The following CAMKK1 variants were observed in gnomAD, a reference collection of about 807,000 sequenced individuals.
CAMKK1 encodes the protein calcium/calmodulin dependent protein kinase kinase 1.
A neutral mutation model predicts 63.5 loss-of-function variants in CAMKK1; 20 were observed. That is an observed-to-expected ratio of 0.32 (90% CI 0.22 to 0.46). The LOEUF is 0.46. Ranked by LOEUF, CAMKK1 falls within the 20% of genes least tolerant of loss-of-function variation. CAMKK1 has a pLI of 1.00. For synonymous variants in CAMKK1, 253 were observed against 269.0 expected, an observed-to-expected ratio of 0.94 and a Z score of 0.58; for missense variants, 588 against 658.1, an observed-to-expected ratio of 0.89 and a Z score of 1.17.
Position 3,882,561 on chromosome 17 carries a change from G to T in CAMKK1, c.652C>A (p.Leu218Met). The change falls in exon 7 of 16, where the codon CTG becomes ATG. Residue 218 changes from leucine to methionine, a missense_variant. Leu to Met is a conservative substitution (Grantham distance 15, BLOSUM62 2). Coordinates refer to ENST00000348335, the MANE Select transcript of CAMKK1 (RefSeq NM_032294.3). This position sits in a 1 kb window ranked among gnomAD's most constrained non-coding sequence, Gnocchi z 4.3. ...HVNVVKLIEV[L>M]DDPAEDNLYL... The stretch of plus-strand genomic sequence containing the variant: ...AGGTTGTCCTCAGCTGGGTCATCCA[G>T]GACCTGGTCAGAGGGAGCAGACATG... 1 of 1,593,234 alleles carries T rather than the reference G, an allele frequency of 6.3e-7. No individual in the cohort carries two copies. The highest frequency in any genetic ancestry group is 1.1e-5 in the South Asian group (1 of 88,188).
intron 12 of CAMKK1, among the ~76,000 whole-genome samples, chr17:3,872,091 T>C (rs11078470): frequency 0.067 from 10,244 of 152,226 alleles, 712 homozygotes; most frequent in African/African-American, 0.18. Flanking sequence ...TCGGTCACAA[T>C]GGGAAGAGTG....
intron 12 of CAMKK1, among the ~76,000 whole-genome samples, chr17:3,870,936 G>A (rs1450657538): frequency 1.3e-5 from 2 of 152,174 alleles, no homozygotes; most frequent in South Asian, 2.1e-4. Context: ...GCTGGTGCTC[G>A]GGAAAGGGAG....
At chr17:3,870,600 C>T (rs2054802740) in intron 12 of CAMKK1, among the ~76,000 whole-genome samples, 2 of 152,128 alleles carry the variant, frequency 1.3e-5, no homozygotes, top group African/African-American at 4.8e-5. Context: ...CTCCTGATCT[C>T]ATGATCCGCC....
At chr17:3,870,979 C>G (rs2054822259) in intron 12 of CAMKK1, among the ~76,000 whole-genome samples, 1 of 152,094 alleles carries the variant, frequency 6.6e-6, no homozygotes, top group Admixed American at 6.5e-5. Flanking sequence ...GTGGCAGAAC[C>G]CGGAGACGTG....
Position 3,883,151 on chromosome 17 carries a change from T to A in CAMKK1, c.539A>T (p.Gln180Leu). The A allele has an allele frequency of 6.2e-7, 1 of 1,612,056 alleles. No homozygotes were observed. Residue 180 changes from glutamine (Q) to leucine (L), a missense_variant, in exon 6 of 16, where the codon CAG becomes CTG. This residue lies in a region of CAMKK1 where 357 missense variants were observed against 407.4 expected (regional missense o/e 0.88). Coordinates refer to ENST00000348335, the MANE Select transcript of CAMKK1 (RefSeq NM_032294.3). This position sits in a 1 kb window ranked among gnomAD's most constrained non-coding sequence, Gnocchi z 4.7. ...CTTGGCTGGTCCTCCCTGGGCAGCCTGGGACCCTCTCGGGGGAGGGCGACC... is the reference window on the plus strand; with the variant it reads ...CTTGGCTGGTCCTCCCTGGGCAGCCAGGGACCCTCTCGGGGGAGGGCGACC... ...FPRRPPPRGS[Q>L]AAQGGPAKQL...
chr17:3,869,629 G>A lies in CAMKK1; in HGVS notation c.1213-14C>T, dbSNP rs2054750443. The A allele has an allele frequency of 6.2e-7, 1 of 1,613,994 alleles. No individual in the cohort carries two copies. Among genetic ancestry groups the A allele is most frequent in the Admixed American group, 1.7e-5 (1 of 60,014 alleles). On this transcript the variant is annotated splice_polypyrimidine_tract_variant and intron_variant, in intron 13 of 15. Coordinates refer to ENST00000348335, the MANE Select transcript of CAMKK1 (RefSeq NM_032294.3). ...CCAAGGGTGCAACTGTCGGGGCCGG[G>A]AGGGCAGGGAGAGGGGGAGAGGTCA... is the stretch of plus-strand genomic sequence containing the variant.
chr17:3,869,938 C>G (rs774352884), intron 12 of CAMKK1, 50 bp from the exon 13 acceptor site: 2 of 1,437,486 alleles, frequency 1.4e-6, no homozygotes, highest in South Asian at 2.3e-5. Flanking sequence ...GATGAGGACC[C>G]CTTCCTGTCC....
At chr17:3,871,326 GTTTTTTGTTTTTTT>G (rs2054838255) in intron 12 of CAMKK1, among the ~76,000 whole-genome samples, 143 of 69,052 alleles carry the variant, frequency 2.1e-3, no homozygotes, top group South Asian at 5.0e-3. Context: ...TTTGTTTGTT[GTTTTTTGTTTTTTT>G]TTTTTTGTTT....
intron 9 of CAMKK1, among the ~76,000 whole-genome samples, chr17:3,878,521 C>T (rs975727785): frequency 6.6e-6 from 1 of 152,174 alleles, no homozygotes; most frequent in African/African-American, 2.4e-5. Flanking sequence ...CTGACCGTAC[C>T]GGGGTAAAAT....
chr17:3,880,448 T>C lies in CAMKK1; in HGVS notation c.708-14A>G. The stretch of plus-strand genomic sequence containing the variant: ...TCCATGACGGGCCTATGGAGAAGGA[T>C]GCGGGGAGGGGCATTCAGCTGAAAT... On this transcript the variant is annotated splice_polypyrimidine_tract_variant and intron_variant, in intron 8 of 15. Coordinates refer to ENST00000348335, the MANE Select transcript of CAMKK1 (RefSeq NM_032294.3). 6.2e-7 allele frequency: 1 copy of C among 1,609,014 alleles called. No homozygotes were observed. The highest frequency in any genetic ancestry group is 1.3e-5 in the African/African-American group (1 of 74,770).
intron 14 of CAMKK1, among the ~76,000 whole-genome samples, chr17:3,868,933 G>A (rs1184279758): frequency 2.0e-5 from 3 of 150,908 alleles, no homozygotes; most frequent in Non-Finnish European, 2.9e-5. Context: ...GATTCCAGGC[G>A]TGAGCCACCG....
chr17:3,882,543 C>T lies in CAMKK1; in HGVS notation c.670G>A (p.Asp224Asn). 1 of 1,594,990 alleles carries T rather than the reference C, an allele frequency of 6.3e-7. No homozygotes were observed. The highest frequency in any genetic ancestry group is 8.5e-7 in the Non-Finnish European group (1 of 1,170,296). ...GGTCACTCACCCAAATAGAGGTTGT[C>T]CTCAGCTGGGTCATCCAGGACCTGG... ...LIEVLDDPAE[D>N]NLYLVFDLLR... The change falls in exon 7 of 16, where the codon GAC becomes AAC. Residue 224 changes from aspartate to asparagine, a missense_variant. Asp to Asn is a conservative substitution (Grantham distance 23). This residue lies in a region of CAMKK1 where 357 missense variants were observed against 407.4 expected (regional missense o/e 0.88). Coordinates refer to ENST00000348335, the MANE Select transcript of CAMKK1 (RefSeq NM_032294.3). This position sits in a 1 kb window ranked among gnomAD's most constrained non-coding sequence, Gnocchi z 4.3.
intron 12 of CAMKK1, among the ~76,000 whole-genome samples, chr17:3,871,611 C>T (rs1237032424): frequency 2.0e-5 from 3 of 149,430 alleles, no homozygotes; most frequent in Non-Finnish European, 4.4e-5. Context: ...CCTCCTTGGC[C>T]TCCCAAAGTG....
intron 13 of CAMKK1, 39 bp downstream of exon 13, chr17:3,869,762 C>G (rs763133498): frequency 1.5e-5 from 24 of 1,607,340 alleles, no homozygotes; most frequent in Non-Finnish European, 1.4e-5. Context: ...CTCCTGTTTT[C>G]TGTGTCCCAG....
Position 3,890,275 on chromosome 17 carries a change from C to T in CAMKK1, c.-44+2664G>A, listed in dbSNP as rs2055844105. Among the ~76,000 whole-genome samples the T allele has an allele frequency of 6.6e-6, 1 of 152,182 alleles. No individual in the cohort carries two copies. Among genetic ancestry groups the T allele is most frequent in the African/African-American group, 2.4e-5 (1 of 41,434 alleles). ...GCCAAGTCATGCTTGACGACTCCTG[C>T]TGTGAGGACGCCCGCTCCCACCATC... On this transcript the variant is annotated intron_variant, in intron 1 of 15. Coordinates refer to ENST00000348335, the MANE Select transcript of CAMKK1 (RefSeq NM_032294.3). The surrounding 1 kb of genome is among the most constrained non-coding windows in gnomAD (Gnocchi z 6.5).
At chr17:3,886,071 C>T (rs879802912) in intron 1 of CAMKK1, among the ~76,000 whole-genome samples, 3 of 152,248 alleles carry the variant, frequency 2.0e-5, no homozygotes, top group Non-Finnish European at 4.4e-5. Flanking sequence ...GGGCAGAGCC[C>T]AGGGTCAGCT....
rs538046718 is a variant in CAMKK1 at position 3,871,578 on chromosome 17, G to C, written c.1124+976C>G. 6.8e-4 allele frequency among the ~76,000 whole-genome samples: 100 copies of C among 146,982 alleles called. No individual in the cohort carries two copies. The Middle Eastern group carries it at 0.023, about 34-fold the overall frequency. The stretch of plus-strand genomic sequence containing the variant: ...TCACCGTGTTAGCCAGGATGGTCTC[G>C]ATCTCCTGACCTCGTGATCCGCCCT... On this transcript the variant is annotated intron_variant, in intron 12 of 15. Coordinates refer to ENST00000348335, the MANE Select transcript of CAMKK1 (RefSeq NM_032294.3).
intron 1 of CAMKK1, among the ~76,000 whole-genome samples, chr17:3,891,781 G>C (rs1426390723): frequency 6.6e-6 from 1 of 152,164 alleles, no homozygotes; most frequent in Non-Finnish European, 1.5e-5. Flanking sequence ...GTGCATATAG[G>C]AGAGTCATTT....
At chr17:3,866,085 G>A (rs2567874) in intron 14 of CAMKK1, 74 bp from the exon 15 acceptor site, 525,717 of 1,552,436 alleles carry the variant, frequency 0.34, 89,460 homozygotes, top group East Asian at 0.4. Context: ...CCGATTCCCC[G>A]AGAGCAGCTG....
Sources: allele counts gnomAD v4.1 joint callset (sites outside exome capture counted in the v4.1 genomes callset), GRCh38; gene constraint gnomAD v4.1.1; regional missense constraint gnomAD v4.1.1; non-coding constraint Gnocchi (gnomAD v3.1); transcripts MANE v1.5; gene names NCBI Gene and HGNC (gene_info 2026-07-23, HGNC 2026-07-21).